STK39: variants seen among roughly 807,000 people sequenced by gnomAD.
STK39 encodes STE20/SPS1-related proline-alanine-rich protein kinase.
In STK39, 20 loss-of-function variants were observed where a neutral mutation model predicts 77.8. The ratio of observed to expected loss-of-function variants is 0.26; its 90% CI spans 0.18 to 0.37. The LOEUF (loss-of-function observed/expected upper bound fraction) is 0.37. STK39 is among the 10% of genes least tolerant of loss of function. STK39 has a pLI of 1.00. For synonymous variants in STK39, 246 were observed against 234.1 expected (o/e 1.05, Z -0.47); for missense variants, 479 against 656.5 (o/e 0.73, Z 2.95).
intron 14 of STK39, among the ~76,000 whole-genome samples, chr2:168,036,841 T>C (rs928869699): frequency 1.3e-5 from 2 of 152,172 alleles, no homozygotes; most frequent in Non-Finnish European, 1.5e-5. Context: ...ACAGAGAGAC[T>C]TGTAGGAAGA....
chr2:168,195,103 A>G (rs1689435835), intron 1 of STK39, among the ~76,000 whole-genome samples: 1 of 152,058 alleles, frequency 6.6e-6, no homozygotes, highest in African/African-American at 2.4e-5. Flanking sequence ...TCTCTCTTTC[A>G]TTTACTCAAA....
intron 16 of STK39, among the ~76,000 whole-genome samples, chr2:167,967,606 G>A (rs922791589): frequency 2.0e-5 from 3 of 151,964 alleles, no homozygotes; most frequent in Admixed American, 2.0e-4. Flanking sequence ...ACAGCCACAC[G>A]GAAAAGACGC....
intron 1 of STK39, among the ~76,000 whole-genome samples, chr2:168,221,379 T>A (rs1229770429): frequency 1.8e-5 from 2 of 108,784 alleles, no homozygotes; most frequent in African/African-American, 6.9e-5. Context: ...TACATGTATA[T>A]TCAGTTAGTG....
chr2:168,139,951 A>G (rs954210756), intron 7 of STK39, among the ~76,000 whole-genome samples: 2 of 152,142 alleles, frequency 1.3e-5, no homozygotes, highest in African/African-American at 4.8e-5. Context: ...ACATCACTAT[A>G]ATCTATTTTG....
intron 16 of STK39, among the ~76,000 whole-genome samples, chr2:167,990,576 G>T (rs1156922258): frequency 6.6e-6 from 1 of 152,206 alleles, no homozygotes; most frequent in East Asian, 1.9e-4. Flanking sequence ...CTAGAAGACA[G>T]AAACCTCTGG....
At chr2:167,989,857 T>TG (rs1683653458) in intron 16 of STK39, among the ~76,000 whole-genome samples, 1 of 151,930 alleles carries the variant, frequency 6.6e-6, no homozygotes, top group Admixed American at 6.6e-5. Context: ...AAGCCAACAG[T>TG]GATAAGCAGT....
chr2:168,043,468 A>G (rs1358081108), intron 14 of STK39, among the ~76,000 whole-genome samples: 1 of 152,256 alleles, frequency 6.6e-6, no homozygotes, highest in Non-Finnish European at 1.5e-5. Flanking sequence ...AAATGTAGTT[A>G]AACGATATTT....
At chr2:168,007,036 C>T (rs1455694985) in intron 16 of STK39, among the ~76,000 whole-genome samples, 2 of 152,162 alleles carry the variant, frequency 1.3e-5, no homozygotes, top group Admixed American at 1.3e-4. Context: ...TATGCTATTG[C>T]TTTTTCAGCC....
intron 14 of STK39, among the ~76,000 whole-genome samples, chr2:168,027,278 G>A (rs139525440): frequency 6.6e-6 from 1 of 152,232 alleles, no homozygotes; most frequent in African/African-American, 2.4e-5. Flanking sequence ...GAGAATAGTA[G>A]CTGAACCACA....
At chr2:168,242,888 T>C (rs1690805047) in intron 1 of STK39, among the ~76,000 whole-genome samples, 1 of 99,634 alleles carries the variant, frequency 1.0e-5, no homozygotes, top group Admixed American at 8.8e-5. Flanking sequence ...GTGAGACCCT[T>C]TATCAAAAAA....
At chr2:168,085,630 A>G (rs1345557119) in intron 10 of STK39, among the ~76,000 whole-genome samples, 1 of 152,220 alleles carries the variant, frequency 6.6e-6, no homozygotes, top group Non-Finnish European at 1.5e-5. Flanking sequence ...TAAAAGCTCA[A>G]GAGCATATTT....
intron 1 of STK39, among the ~76,000 whole-genome samples, chr2:168,183,070 T>C (rs967522139): frequency 1.3e-5 from 2 of 152,180 alleles, no homozygotes; most frequent in Non-Finnish European, 2.9e-5. Flanking sequence ...GAGAGATCAG[T>C]ATTAGCCTTC....
intron 10 of STK39, among the ~76,000 whole-genome samples, chr2:168,126,679 G>A (rs76762074): frequency 0.011 from 1,634 of 152,210 alleles, 27 homozygotes; most frequent in African/African-American, 0.037. Context: ...GTGATCATTT[G>A]GTCAGTAAAC....
At chr2:168,002,144 A>C (rs918777356) in intron 16 of STK39, among the ~76,000 whole-genome samples, 4 of 152,262 alleles carry the variant, frequency 2.6e-5, no homozygotes, top group Admixed American at 2.6e-4. Flanking sequence ...AGTGAAGTTA[A>C]GTACAGGTCT....
intron 16 of STK39, among the ~76,000 whole-genome samples, chr2:167,993,583 A>C (rs892032657): frequency 3.9e-5 from 6 of 152,288 alleles, no homozygotes; most frequent in African/African-American, 1.2e-4. Flanking sequence ...GGGCTAAGGG[A>C]AGGAAAGACC....
At chr2:168,225,440 T>C (rs532231073) in intron 1 of STK39, among the ~76,000 whole-genome samples, 44 of 152,298 alleles carry the variant, frequency 2.9e-4, no homozygotes, top group African/African-American at 8.7e-4. Flanking sequence ...CAGAATTTTA[T>C]CACCATTACA....
intron 10 of STK39, among the ~76,000 whole-genome samples, chr2:168,127,515 CA>C (rs1176708036): frequency 6.6e-6 from 1 of 152,084 alleles, no homozygotes; most frequent in Non-Finnish European, 1.5e-5. Flanking sequence ...TTTCAAATTT[CA>C]AAAAGCTCCA....
At chr2:168,024,461 G>A (rs1300227202) in intron 14 of STK39, among the ~76,000 whole-genome samples, 2 of 152,190 alleles carry the variant, frequency 1.3e-5, no homozygotes, top group Non-Finnish European at 2.9e-5. Flanking sequence ...TTTAGGTCAT[G>A]AGGGCGCCAC....
chr2:168,119,770 T>A (rs1221127258), intron 10 of STK39, among the ~76,000 whole-genome samples: 1 of 152,176 alleles, frequency 6.6e-6, no homozygotes, highest in Non-Finnish European at 1.5e-5. Flanking sequence ...CACTCTCTCT[T>A]CTCTGCTTTA....
Sources: gnomAD v4.1 joint callset for allele counts (sites outside exome capture counted in the v4.1 genomes callset) on GRCh38, gnomAD v4.1.1 for gene constraint, MANE v1.5 for transcripts, NCBI Gene and HGNC (gene_info 2026-07-23, HGNC 2026-07-21) for gene names.